KCNH7: variants seen among roughly 807,000 people sequenced by gnomAD.
KCNH7 encodes potassium voltage-gated channel subfamily H member 7, also known as voltage-gated inwardly rectifying potassium channel KCNH7.
KCNH7 carries 49 observed loss-of-function variants against 120.8 expected under a neutral mutation model. That is an observed-to-expected ratio of 0.41 (90% CI 0.32 to 0.51). The LOEUF (loss-of-function observed/expected upper bound fraction) is 0.51, where lower values mean the gene tolerates loss of function less well. Ranked by LOEUF, KCNH7 falls within the 20% of genes least tolerant of loss-of-function variation. The pLI, the probability that KCNH7 is intolerant of heterozygous loss-of-function variation, is 0.38. For missense variants in KCNH7, 1,097 were observed against 1,446.6 expected (o/e 0.76, Z 3.92); for synonymous variants, 547 against 516.1 (o/e 1.06, Z -0.81).
At chr2:162,812,377 A>C (rs536094350) in intron 2 of KCNH7, among the ~76,000 whole-genome samples, 5 of 152,130 alleles carry the variant, frequency 3.3e-5, no homozygotes, top group Non-Finnish European at 7.4e-5. Context: ...AGGCTAGTGC[A>C]GTAATCTAGT....
chr2:162,700,245 G>A (rs148918361), intron 2 of KCNH7, among the ~76,000 whole-genome samples: 26 of 152,262 alleles, frequency 1.7e-4, no homozygotes, highest in African/African-American at 6.0e-4. Flanking sequence ...GGGAGGAGAC[G>A]AGAAGAGACA....
intron 3 of KCNH7, among the ~76,000 whole-genome samples, chr2:162,519,356 C>A (rs1009867295): frequency 1.3e-5 from 2 of 151,500 alleles, no homozygotes; most frequent in African/African-American, 2.4e-5. Flanking sequence ...TCAAATATAA[C>A]GTTAAGTAAA....
intron 2 of KCNH7, among the ~76,000 whole-genome samples, chr2:162,663,943 G>T (rs776530455): frequency 1.3e-5 from 2 of 152,078 alleles, no homozygotes; most frequent in African/African-American, 2.4e-5. Flanking sequence ...AATATTTTCT[G>T]TCCGGATTCA....
chr2:162,639,827 AG>A (rs1415577464), intron 2 of KCNH7, among the ~76,000 whole-genome samples: 1 of 152,136 alleles, frequency 6.6e-6, no homozygotes, highest in Non-Finnish European at 1.5e-5. Context: ...AAAAATCCTA[AG>A]GAATCTGCCG....
intron 4 of KCNH7, among the ~76,000 whole-genome samples, chr2:162,516,642 C>T (rs142647938): frequency 6.6e-6 from 1 of 151,632 alleles, no homozygotes; most frequent in African/African-American, 2.4e-5. Context: ...TCTCAAGAAC[C>T]AAATCTATGG....
chr2:162,625,117 G>C (rs1039638077), intron 2 of KCNH7, among the ~76,000 whole-genome samples: 1 of 151,700 alleles, frequency 6.6e-6, no homozygotes, highest in Non-Finnish European at 1.5e-5. Flanking sequence ...GGTTGGTCCC[G>C]AACTCCCGAC....
chr2:162,473,293 C>T (rs1210431351), intron 6 of KCNH7, among the ~76,000 whole-genome samples: 3 of 151,800 alleles, frequency 2.0e-5, no homozygotes, highest in African/African-American at 7.2e-5. Flanking sequence ...AAAATAAATG[C>T]CTGACTGAGG....
At position 162,499,547 on chromosome 2, in the gene KCNH7, A is replaced by T. The variant is rs546629883; in HGVS notation, c.1128+4896T>A. Among the ~76,000 whole-genome samples the T allele has an allele frequency of 8.4e-4, 128 of 152,304 alleles. 1 individual carries two copies. In the South Asian group the frequency reaches 0.025, roughly 30 times the overall value. ...GTGAGATGAAATATGGCAAAATGAA[A>T]TATGACATGATGCATTCCAGAAGAC... On this transcript the variant is annotated intron_variant, in intron 6 of 15. Transcript: ENST00000332142.
chr2:162,633,145 T>G (rs147705500), intron 2 of KCNH7, among the ~76,000 whole-genome samples: 1 of 152,108 alleles, frequency 6.6e-6, no homozygotes, highest in East Asian at 1.9e-4. Flanking sequence ...GTTTTTAGCC[T>G]ATCGTATCAT....
In KCNH7 at chr2:162,372,248, G is replaced by A. The variant is rs551275157; in HGVS notation, c.3325-153C>T. Among the ~76,000 whole-genome samples, 7 of 152,204 alleles carry A rather than the reference G, an allele frequency of 4.6e-5. No individual in the cohort carries two copies. The East Asian group carries it at 1.4e-3, about 29-fold the overall frequency. ...ACATTTCCCTCCTAAAATGAGTCAG[G>A]ACGTCGGAGATTGGTTATCAGTACA... On this transcript the variant is annotated intron_variant, in intron 15 of 15. Transcript: ENST00000332142.
chr2:162,658,142 C>T (rs117937619), intron 2 of KCNH7, among the ~76,000 whole-genome samples: 1 of 151,516 alleles, frequency 6.6e-6, no homozygotes, highest in African/African-American at 2.4e-5. Context: ...GGGGTGCTTA[C>T]CAGACACCAA....
chr2:162,738,301 G>GTA (rs1244213193), intron 2 of KCNH7, among the ~76,000 whole-genome samples: 1 of 152,062 alleles, frequency 6.6e-6, no homozygotes, highest in Non-Finnish European at 1.5e-5. Context: ...CTCCCTCTGT[G>GTA]TATAACTGCC....
intron 15 of KCNH7, 43 bp downstream of exon 15, chr2:162,373,427 A>T: frequency 7.4e-7 from 1 of 1,347,900 alleles, no homozygotes; most frequent in East Asian, 2.7e-5. Context: ...CCCTGGAAAC[A>T]CACTGTGAGA....
intron 2 of KCNH7, among the ~76,000 whole-genome samples, chr2:162,589,817 AATG>A (rs1694147250): frequency 6.6e-6 from 1 of 152,136 alleles, no homozygotes; most frequent in Non-Finnish European, 1.5e-5. Flanking sequence ...AGTGACAAGT[AATG>A]ATGATTTTGA....
Position 162,416,812 on chromosome 2 carries a change from A to C in KCNH7, c.2154+6524T>G, listed in dbSNP as rs1475267630. On this transcript the variant is annotated intron_variant, in intron 9 of 15. Coordinates refer to ENST00000332142, the MANE Select transcript of KCNH7 (RefSeq NM_033272.4). Reference sequence around the variant, plus strand: ...GAGATGGTCCCTAAGGTGAACGTAGAGTTATGCTGGGGGTGGCTCACCTGG... The same window carrying C: ...GAGATGGTCCCTAAGGTGAACGTAGCGTTATGCTGGGGGTGGCTCACCTGG... 2.0e-5 allele frequency among the ~76,000 whole-genome samples: 3 copies of C among 152,114 alleles called. No individual in the cohort carries two copies. In the East Asian group the frequency reaches 5.8e-4, roughly 29 times the overall value.
intron 2 of KCNH7, among the ~76,000 whole-genome samples, chr2:162,685,549 C>T (rs1421987816): frequency 1.3e-5 from 2 of 151,944 alleles, no homozygotes; most frequent in African/African-American, 4.8e-5. Flanking sequence ...GGCAATGGCT[C>T]TATGATGAAA....
At chr2:162,559,609 G>T (rs1692991259) in intron 2 of KCNH7, among the ~76,000 whole-genome samples, 1 of 152,120 alleles carries the variant, frequency 6.6e-6, no homozygotes. Flanking sequence ...TCCCTAATTG[G>T]TTCTTTTGAT....
intron 2 of KCNH7, among the ~76,000 whole-genome samples, chr2:162,683,732 C>A (rs955935545): frequency 6.6e-6 from 1 of 151,638 alleles, no homozygotes; most frequent in Non-Finnish European, 1.5e-5. Flanking sequence ...GAAAATTATT[C>A]CACAATACAA....
chr2:162,544,910 T>C (rs951586119), intron 2 of KCNH7, among the ~76,000 whole-genome samples: 1 of 152,144 alleles, frequency 6.6e-6, no homozygotes, highest in Admixed American at 6.5e-5. Flanking sequence ...AATTAAAGTG[T>C]TTAAGAATAC....
Sources: gnomAD v4.1 joint callset for allele counts (sites outside exome capture counted in the v4.1 genomes callset) on GRCh38, gnomAD v4.1.1 for gene constraint, MANE v1.5 for transcripts, NCBI Gene and HGNC (gene_info 2026-07-23, HGNC 2026-07-21) for gene names.